The following CFAP299 variants were observed in gnomAD, a reference collection of about 807,000 sequenced individuals.
CFAP299 encodes the protein cilia- and flagella-associated protein 299.
Under a neutral mutation model 27.0 loss-of-function variants are expected in CFAP299, and 21 were observed. That is an observed-to-expected ratio of 0.78 (90% CI 0.55 to 1.12). The LOEUF is 1.12. Among genes scored for constraint, CFAP299 ranks in the 50% most tolerant of loss-of-function variants. The pLI, the probability that CFAP299 is intolerant of heterozygous loss-of-function variation, is 0.00. For synonymous variants in CFAP299, 104 were observed against 98.1 expected, an observed-to-expected ratio of 1.06 and a Z score of -0.36; for missense variants, 310 against 276.6, an observed-to-expected ratio of 1.12 and a Z score of -0.86.
chr4:80,352,546 G>A (rs1303342933), intron 1 of CFAP299, among the ~76,000 whole-genome samples: 2 of 152,098 alleles, frequency 1.3e-5, no homozygotes, highest in Admixed American at 6.6e-5. Context: ...CAGCTTGGGC[G>A]ACAGAGTGAG....
chr4:80,419,656 A>AT (rs1727192980), intron 2 of CFAP299, among the ~76,000 whole-genome samples: 5 of 152,118 alleles, frequency 3.3e-5, no homozygotes, highest in Admixed American at 2.6e-4. Flanking sequence ...ATCTTCTGAG[A>AT]TTCCCGGTGC....
At chr4:80,897,502 A>G (rs1173383935) in intron 4 of CFAP299, among the ~76,000 whole-genome samples, 1 of 152,200 alleles carries the variant, frequency 6.6e-6, no homozygotes, top group Non-Finnish European at 1.5e-5. Flanking sequence ...TAAGTAGTTC[A>G]CAACATCACT....
intron 2 of CFAP299, among the ~76,000 whole-genome samples, chr4:80,545,237 G>A (rs1734169459): frequency 6.6e-6 from 1 of 151,316 alleles, no homozygotes; most frequent in African/African-American, 2.4e-5. Context: ...AAACACCTAT[G>A]TTAAAAAGTT....
chr4:80,684,058 T>C (rs1442358087), intron 3 of CFAP299, among the ~76,000 whole-genome samples: 1 of 152,230 alleles, frequency 6.6e-6, no homozygotes, highest in African/African-American at 2.4e-5. Context: ...TTGACTCCAG[T>C]ATAGTTTTAC....
intron 2 of CFAP299, chr4:80,386,171 G>A (rs1337907721): frequency 5.8e-6 from 4 of 685,112 alleles, no homozygotes; most frequent in Non-Finnish European, 9.4e-6. Flanking sequence ...CGAACACCCC[G>A]GGTCCGTCAC....
In CFAP299 at chr4:80,793,084, T is replaced by A. The variant is rs1410611607; in HGVS notation, c.334-76909T>A. Among the ~76,000 whole-genome samples, 3 of 150,378 alleles carry A rather than the reference T, an allele frequency of 2.0e-5. No homozygotes were observed. The East Asian group carries it at 5.8e-4, about 29-fold the overall frequency. On this transcript the variant is annotated intron_variant, in intron 3 of 5. Transcript: ENST00000358105. ...TAGTGGACAGAACTAATAGGATATT[T>A]ATATCCTATTAGTTATGTGTGTGTG...
At chr4:80,579,671 C>G (rs1736068495) in intron 2 of CFAP299, among the ~76,000 whole-genome samples, 1 of 151,940 alleles carries the variant, frequency 6.6e-6, no homozygotes, top group Non-Finnish European at 1.5e-5. Context: ...TTCTTTGGAA[C>G]TTTCATAAAG....
At chr4:80,495,500 T>A (rs1197813400) in intron 2 of CFAP299, among the ~76,000 whole-genome samples, 1 of 152,154 alleles carries the variant, frequency 6.6e-6, no homozygotes. Context: ...CATATCAAAT[T>A]TTTATTGTGA....
chr4:80,910,155 A>C (rs1404187950), intron 4 of CFAP299, among the ~76,000 whole-genome samples: 1 of 152,132 alleles, frequency 6.6e-6, no homozygotes, highest in African/African-American at 2.4e-5. Context: ...ATAAATGATT[A>C]ACTTTATGAA....
chr4:80,772,909 C>T (rs1273457004), intron 3 of CFAP299, among the ~76,000 whole-genome samples: 3 of 152,198 alleles, frequency 2.0e-5, no homozygotes, highest in Non-Finnish European at 2.9e-5. Context: ...CACATGCACA[C>T]ATATGTTTAT....
chr4:80,380,615 G>A (rs1724655141), intron 2 of CFAP299, among the ~76,000 whole-genome samples: 1 of 151,926 alleles, frequency 6.6e-6, no homozygotes, highest in African/African-American at 2.4e-5. Flanking sequence ...TTTTAATAGA[G>A]ACAAGGTTTT....
At chr4:80,772,841 A>G (rs1726299120) in intron 3 of CFAP299, among the ~76,000 whole-genome samples, 1 of 152,124 alleles carries the variant, frequency 6.6e-6, no homozygotes, top group South Asian at 2.1e-4. Context: ...CCATTTGACC[A>G]AGCAATCCCA....
At chr4:80,385,849 C>T (rs1161927968) in intron 2 of CFAP299, among the ~76,000 whole-genome samples, 2 of 152,378 alleles carry the variant, frequency 1.3e-5, no homozygotes, top group Non-Finnish European at 2.9e-5. Flanking sequence ...CGGAACTGCC[C>T]TGTCTTCTCT....
At chr4:80,888,154 G>T (rs973444550) in intron 4 of CFAP299, among the ~76,000 whole-genome samples, 27 of 152,050 alleles carry the variant, frequency 1.8e-4, no homozygotes, top group African/African-American at 5.6e-4. Context: ...ATCATTGAAT[G>T]TAAATGGACT....
At chr4:80,695,475 C>T (rs1721028634) in intron 3 of CFAP299, among the ~76,000 whole-genome samples, 1 of 152,162 alleles carries the variant, frequency 6.6e-6, no homozygotes, top group Non-Finnish European at 1.5e-5. Context: ...TCCTACTCAT[C>T]TACATGGAGA....
intron 2 of CFAP299, among the ~76,000 whole-genome samples, chr4:80,421,961 A>T (rs779870041): frequency 6.6e-6 from 1 of 152,136 alleles, no homozygotes. Context: ...TGACATAGAA[A>T]CTACTAGTTA....
At chr4:80,856,651 TA>T (rs1481245004) in intron 3 of CFAP299, among the ~76,000 whole-genome samples, 1 of 152,190 alleles carries the variant, frequency 6.6e-6, no homozygotes, top group African/African-American at 2.4e-5. Flanking sequence ...CACCATTTAC[TA>T]AATAGGGAAT....
intron 3 of CFAP299, among the ~76,000 whole-genome samples, chr4:80,638,885 C>A (rs1417859239): frequency 6.6e-6 from 1 of 152,162 alleles, no homozygotes; most frequent in Non-Finnish European, 1.5e-5. Flanking sequence ...TATTTTCTCA[C>A]ATTTCCAGAG....
intron 5 of CFAP299, among the ~76,000 whole-genome samples, chr4:80,953,493 G>A (rs1039978365): frequency 6.6e-6 from 1 of 152,130 alleles, no homozygotes; most frequent in African/African-American, 2.4e-5. Flanking sequence ...ACTAACTACT[G>A]CTAAAATCAA....
Sources: gnomAD v4.1 joint callset for allele counts (sites outside exome capture counted in the v4.1 genomes callset) on GRCh38, gnomAD v4.1.1 for gene constraint, MANE v1.5 for transcripts, NCBI Gene and HGNC (gene_info 2026-07-23, HGNC 2026-07-21) for gene names.